The following TRIP12 variants were observed in gnomAD, a reference collection of about 807,000 sequenced individuals.
TRIP12 encodes E3 ubiquitin-protein ligase TRIP12.
In TRIP12, 25 loss-of-function variants were observed where a neutral mutation model predicts 244.2. The ratio of observed to expected loss-of-function variants is 0.10; its 90% CI spans 0.07 to 0.14. TRIP12 has a LOEUF of 0.14. TRIP12 is among the 10% of genes least tolerant of loss of function. The pLI is 1.00. For synonymous variants in TRIP12, 905 were observed against 873.1 expected (o/e 1.04, Z -0.64); for missense variants, 1,677 against 2,486.4 (o/e 0.67, Z 6.92).
At chr2:229,856,078 T>C (rs1383553680) in intron 4 of TRIP12, among the ~76,000 whole-genome samples, 4 of 152,126 alleles carry the variant, frequency 2.6e-5, no homozygotes, top group Non-Finnish European at 5.9e-5. Context: ...AAGCACCATT[T>C]TTTTTAAAAG....
chr2:229,916,629 G>A (rs1181874797), intron 1 of TRIP12, among the ~76,000 whole-genome samples: 1 of 152,152 alleles, frequency 6.6e-6, no homozygotes, highest in Non-Finnish European at 1.5e-5. Flanking sequence ...AAGCAGGTAA[G>A]CCTGAATAAT....
At chr2:229,809,254 G>C (rs919771614) in intron 15 of TRIP12, among the ~76,000 whole-genome samples, 1 of 151,774 alleles carries the variant, frequency 6.6e-6, no homozygotes, top group African/African-American at 2.4e-5. Context: ...TTACAGTTTT[G>C]CAACTTTATA....
In TRIP12 at chr2:229,828,188, A is replaced by C. The variant is rs1375666674; in HGVS notation, c.1450+1005T>G. On this transcript the variant is annotated intron_variant, in intron 8 of 41. Transcript: ENST00000675903. ...TTAAATATGAAGTAGGCACTGTTGA[A>C]GCTGGGTCATGGGCACAAAGAGGTG... 2.0e-5 allele frequency among the ~76,000 whole-genome samples: 3 copies of C among 152,156 alleles called. No homozygotes were observed. In the East Asian group the frequency reaches 5.8e-4, roughly 29 times the overall value.
chr2:229,808,993 G>A (rs1001459575), intron 15 of TRIP12, among the ~76,000 whole-genome samples: 4 of 152,100 alleles, frequency 2.6e-5, no homozygotes, highest in African/African-American at 7.2e-5. Context: ...AGTCTCTACC[G>A]TTTAGTCAGT....
chr2:229,789,835 C>G (rs2040980921), intron 30 of TRIP12, 73 bp from the exon 31 acceptor site: 5 of 1,527,176 alleles, frequency 3.3e-6, no homozygotes, highest in Non-Finnish European at 4.5e-6. Context: ...AAGGTCCTAT[C>G]ATCGCTAAAA....
chr2:229,878,713 T>G (rs941203988), intron 2 of TRIP12, among the ~76,000 whole-genome samples: 1 of 151,356 alleles, frequency 6.6e-6, no homozygotes, highest in Non-Finnish European at 1.5e-5. Flanking sequence ...CCCGAGTAGC[T>G]GGGACTACAG....
In TRIP12 at chr2:229,859,419, G is replaced by T. The variant is rs914408391; in HGVS notation, c.380C>A (p.Ser127Tyr). ...TTTTGGTTTTTTTGCAGAGCTAGGA[G>T]AATTGGTCCTGTTGTAGTCTGGACT... ...SASPDYNRTN[S>Y]PSSAKKPKAL... Residue 127 changes from serine to tyrosine, a missense_variant, in exon 4 of 42, where the codon TCT (serine) becomes TAT (tyrosine). This residue lies in a region of TRIP12 where 387 missense variants were observed against 392.6 expected (regional missense o/e 0.99). Transcript: ENST00000675903. 1 of 1,614,040 alleles carries T rather than the reference G, an allele frequency of 6.2e-7. No individual in the cohort carries two copies. The highest frequency in any genetic ancestry group is 8.5e-7 in the Non-Finnish European group (1 of 1,180,032).
At chr2:229,922,266 C>CG (rs946873679), upstream of TRIP12, 4 of 520,014 alleles carry the variant, frequency 7.7e-6, no homozygotes, top group African/African-American at 5.8e-5. Flanking sequence ...ATCCCTCCGC[C>CG]GGGGTCACCC....
At chr2:229,905,050 G>A (rs1472896770) in intron 1 of TRIP12, among the ~76,000 whole-genome samples, 4 of 152,160 alleles carry the variant, frequency 2.6e-5, no homozygotes, top group East Asian at 3.9e-4. Flanking sequence ...TGAGGCAGGC[G>A]GATCACCTGA....
intron 1 of TRIP12, among the ~76,000 whole-genome samples, chr2:229,882,856 A>G (rs938042089): frequency 5.9e-5 from 9 of 152,228 alleles, no homozygotes; most frequent in African/African-American, 2.2e-4. Context: ...GTGCTGGTCA[A>G]CCAGCACCAT....
intron 6 of TRIP12, among the ~76,000 whole-genome samples, chr2:229,836,187 A>G (rs1425425642): frequency 6.6e-6 from 1 of 152,208 alleles, no homozygotes; most frequent in Non-Finnish European, 1.5e-5. Flanking sequence ...TGTGTGTATC[A>G]TCTGATTTAA....
chr2:229,801,426 A>T (rs1004125195), intron 21 of TRIP12, among the ~76,000 whole-genome samples: 4 of 152,198 alleles, frequency 2.6e-5, no homozygotes, highest in Admixed American at 6.5e-5. Context: ...CCTGCAGATT[A>T]TAAGATTAAA....
chr2:229,897,962 GTC>G lies in TRIP12; in HGVS notation c.-49-17836_-49-17835del, dbSNP rs200331434. On this transcript the variant is annotated intron_variant, in intron 1 of 41. Coordinates refer to ENST00000675903, the MANE Select transcript of TRIP12 (RefSeq NM_001348323.3). ...AACAACCTATGATGGACCAATGAGAGTCTCCTCCCAAGACTCTTTGGGTACCT... is the reference window on the plus strand; with the variant it reads ...AACAACCTATGATGGACCAATGAGAGTCCTCCCAAGACTCTTTGGGTACCT... Among the ~76,000 whole-genome samples the G allele has an allele frequency of 2.3e-3, 357 of 152,264 alleles. 1 individual carries two copies. Among genetic ancestry groups the G allele is most frequent in the African/African-American group, 8.0e-3 (332 of 41,558 alleles).
intron 34 of TRIP12, among the ~76,000 whole-genome samples, chr2:229,782,510 G>A (rs184798530): frequency 6.6e-6 from 1 of 152,154 alleles, no homozygotes; most frequent in East Asian, 1.9e-4. Flanking sequence ...ACACTCTTTG[G>A]TACCTTTGTC....
At chr2:229,902,850 T>C (rs958039122) in intron 1 of TRIP12, among the ~76,000 whole-genome samples, 2 of 152,200 alleles carry the variant, frequency 1.3e-5, no homozygotes, top group Non-Finnish European at 2.9e-5. Flanking sequence ...GCACAGCTCA[T>C]GCAACTTACT....
chr2:229,918,086 ACT>A (rs2075842364), intron 1 of TRIP12, among the ~76,000 whole-genome samples: 2 of 152,224 alleles, frequency 1.3e-5, no homozygotes, highest in African/African-American at 4.8e-5. Flanking sequence ...CAAATGCAAT[ACT>A]GTAATGCAGA....
At chr2:229,793,633 G>A (rs950984144) in intron 26 of TRIP12, among the ~76,000 whole-genome samples, 1 of 152,108 alleles carries the variant, frequency 6.6e-6, no homozygotes, top group South Asian at 2.1e-4. Context: ...TGAACGAAGC[G>A]GTTTAATAGC....
At chr2:229,877,780 G>A (rs115057091) in intron 2 of TRIP12, among the ~76,000 whole-genome samples, 2,143 of 152,262 alleles carry the variant, frequency 0.014, 53 homozygotes, top group African/African-American at 0.048. Context: ...TTAAAAGACA[G>A]AAGAAATGTC....
intron 6 of TRIP12, 66 bp downstream of exon 6, chr2:229,836,782 C>G: frequency 6.6e-7 from 1 of 1,523,032 alleles, no homozygotes; most frequent in Non-Finnish European, 8.8e-7. Context: ...GCATACTTCC[C>G]TCCCTCTGCC....
Sources: allele counts gnomAD v4.1 joint callset (sites outside exome capture counted in the v4.1 genomes callset), GRCh38; gene constraint gnomAD v4.1.1; regional missense constraint gnomAD v4.1.1; transcripts MANE v1.5; gene names NCBI Gene and HGNC (gene_info 2026-07-23, HGNC 2026-07-21).